SYNE3: variants seen among roughly 807,000 people sequenced by gnomAD.
The protein encoded by SYNE3 is spectrin repeat containing nuclear envelope family member 3.
Under a neutral mutation model 111.2 loss-of-function variants are expected in SYNE3, and 100 were observed. The ratio of observed to expected loss-of-function variants is 0.90; its 90% CI spans 0.77 to 1.06. SYNE3 has a LOEUF of 1.06. Ranked by LOEUF, SYNE3 falls within the 50% of genes least tolerant of loss-of-function variation. The pLI is 0.00. For synonymous variants in SYNE3, 547 were observed against 533.9 expected (o/e 1.02, Z -0.34); for missense variants, 1,160 against 1,240.3 (o/e 0.94, Z 0.97).
rs3036482 is a variant in SYNE3, at chr14:95,432,633, C to CTATTATTAT, written c.2689-525_2689-517dup. ...AAGGTTATGATCATTACTAGTTTTG[C>CTATTATTAT]TATTATTATTATTATTATTATTATT... On this transcript the variant is annotated intron_variant, in intron 16 of 17. Transcript: ENST00000682763. Among the ~76,000 whole-genome samples the CTATTATTAT allele has an allele frequency of 1.7e-3, 236 of 142,476 alleles. 3 individuals are homozygous for CTATTATTAT. Among genetic ancestry groups the CTATTATTAT allele is most frequent in the East Asian group, 2.9e-3 (14 of 4,908 alleles). 93.5% of individuals were successfully genotyped at this position (142,476 alleles called of 152,430 possible). A position where few individuals can be genotyped will look rare whatever the true frequency, so the allele number is the denominator to read the frequency against.
At chr14:95,432,468 C>T (rs915682990) in intron 16 of SYNE3, among the ~76,000 whole-genome samples, 5 of 151,982 alleles carry the variant, frequency 3.3e-5, no homozygotes, top group East Asian at 1.9e-4. Flanking sequence ...CTGAAAGGGC[C>T]CTTAAGGGCC....
intron 15 of SYNE3, 66 bp downstream of exon 15, chr14:95,436,754 C>A: frequency 6.4e-7 from 1 of 1,568,644 alleles, no homozygotes; most frequent in South Asian, 1.1e-5. Context: ...TTGAAGAACT[C>A]CCTGGTGGCA....
intron 9 of SYNE3, among the ~76,000 whole-genome samples, chr14:95,445,704 G>T (rs1274509967): frequency 6.6e-6 from 1 of 152,248 alleles, no homozygotes; most frequent in Non-Finnish European, 1.5e-5. Context: ...TGGTGGCTAG[G>T]AAACCAGTTA....
intron 1 of SYNE3, among the ~76,000 whole-genome samples, chr14:95,502,301 G>T (rs1321209433): frequency 1.4e-5 from 2 of 146,102 alleles, no homozygotes; most frequent in African/African-American, 2.6e-5. Context: ...CACTCACAGG[G>T]GCTGGGTTCC....
At chr14:95,437,490 C>T (rs1668313861) in intron 14 of SYNE3, among the ~76,000 whole-genome samples, 1 of 152,208 alleles carries the variant, frequency 6.6e-6, no homozygotes, top group Non-Finnish European at 1.5e-5. Context: ...TTCACACATA[C>T]TGTCTCCTCT....
intron 2 of SYNE3, among the ~76,000 whole-genome samples, chr14:95,473,958 C>G (rs111532110): frequency 8.8e-5 from 10 of 113,242 alleles, no homozygotes; most frequent in South Asian, 5.7e-4. Context: ...TGTGAGCTTG[C>G]GAGGTGTGAC....
At chr14:95,420,169 T>C (rs1263763412) in intron 17 of SYNE3, among the ~76,000 whole-genome samples, 1 of 150,478 alleles carries the variant, frequency 6.6e-6, no homozygotes, top group African/African-American at 2.5e-5. Context: ...CTTGGCTGCA[T>C]GTATTTCAGC....
At chr14:95,474,834 G>T (rs1454646808) in intron 2 of SYNE3, among the ~76,000 whole-genome samples, 1 of 152,222 alleles carries the variant, frequency 6.6e-6, no homozygotes, top group South Asian at 2.1e-4. Flanking sequence ...TGACTGGTTT[G>T]CTGCGGGAGA....
intron 4 of SYNE3, 136 bp downstream of exon 4, chr14:95,465,795 A>G: frequency 2.0e-6 from 2 of 980,670 alleles, no homozygotes; most frequent in Non-Finnish European, 2.9e-6. Flanking sequence ...AGGTGAGTAG[A>G]TGGATTGATA....
At chr14:95,453,496 C>T (rs759314733) in intron 6 of SYNE3, among the ~76,000 whole-genome samples, 1 of 152,248 alleles carries the variant, frequency 6.6e-6, no homozygotes. Context: ...GGCAGAAGGA[C>T]ACAGAATCTG....
chr14:95,417,571 A>G lies in SYNE3; in HGVS notation c.*255T>C, dbSNP rs926577668. The G allele has an allele frequency of 1.3e-5, 7 of 543,446 alleles. 1 individual carries two copies. The South Asian group carries it at 1.3e-4, about 10-fold the overall frequency. 33.7% of individuals were successfully genotyped at this position (543,446 alleles called of 1,614,324 possible). Reference sequence around the variant, plus strand: ...GTATATGAAATTATACATACTGAGCATTTACATACAGATCATATAAAAATT... The same window carrying G: ...GTATATGAAATTATACATACTGAGCGTTTACATACAGATCATATAAAAATT... On this transcript the variant is annotated 3_prime_UTR_variant, in exon 18 of 18. Transcript: ENST00000682763.
At chr14:95,501,571 G>A (rs376977856) in intron 1 of SYNE3, among the ~76,000 whole-genome samples, 4 of 152,306 alleles carry the variant, frequency 2.6e-5, no homozygotes, top group East Asian at 1.9e-4. Context: ...AAACAGGCCC[G>A]ATTAGGGAGC....
At chr14:95,472,904 T>C (rs1888616065) in intron 2 of SYNE3, among the ~76,000 whole-genome samples, 1 of 152,046 alleles carries the variant, frequency 6.6e-6, no homozygotes, top group Non-Finnish European at 1.5e-5. Flanking sequence ...CCCGGCTGCA[T>C]GGCTATTAAG....
intron 9 of SYNE3, 101 bp from the exon 10 acceptor site, chr14:95,444,729 G>T: frequency 7.1e-7 from 1 of 1,403,070 alleles, no homozygotes; most frequent in South Asian, 1.5e-5. Flanking sequence ...GTCTCGGCCA[G>T]CTCATGCTCA....
At chr14:95,438,481 T>C (rs1886223135) in intron 14 of SYNE3, 1 of 156,138 alleles carries the variant, frequency 6.4e-6, no homozygotes, top group African/African-American at 2.4e-5. Flanking sequence ...TACTCACGGC[T>C]GTATCCTAGC....
At position 95,415,953 on chromosome 14, in the gene SYNE3, C is replaced by G. The variant is rs1480806218; in HGVS notation, c.*1873G>C. The G allele has an allele frequency of 6.6e-6, 1 of 152,348 alleles. No individual in the cohort carries two copies. Among genetic ancestry groups the G allele is most frequent in the African/African-American group, 2.4e-5 (1 of 41,424 alleles). The allele number at this position is 152,348 out of a possible 1,614,324, so 9.4% of individuals were successfully genotyped here. ...GAGGTTGCAGTGAGCCGAGATCGCA[C>G]CACTGCACTCCAGCCTGGGCAAAAA... On this transcript the variant is annotated 3_prime_UTR_variant, in exon 18 of 18. Coordinates refer to ENST00000682763, the MANE Select transcript of SYNE3 (RefSeq NM_152592.6).
At chr14:95,419,628 C>T (rs1206339795) in intron 17 of SYNE3, among the ~76,000 whole-genome samples, 1 of 140,300 alleles carries the variant, frequency 7.1e-6, no homozygotes, top group Non-Finnish European at 1.5e-5. Flanking sequence ...TGATAGTGAC[C>T]ATGGCGATGG....
chr14:95,492,986 A>T (rs970465179), intron 1 of SYNE3, among the ~76,000 whole-genome samples: 37 of 152,110 alleles, frequency 2.4e-4, no homozygotes, highest in Admixed American at 2.3e-3. Context: ...ACCTAATCTA[A>T]TCAACCATCT....
In SYNE3 at chr14:95,475,746, G is replaced by T; in HGVS notation, c.76C>A (p.Gln26Lys). Residue 26 changes from glutamine to lysine, a missense_variant, in exon 2 of 18, where the codon CAG becomes AAG. Gln to Lys is a moderately conservative substitution (Grantham distance 53, BLOSUM62 1). Transcript: ENST00000682763. The stretch of plus-strand genomic sequence containing the variant: ...TGCGTGTTGTCATTGACCTGCAGCT[G>T]GTCCTGCACAGCCTTCATCCATGCC... ...AQAWMKAVQD[Q>K]LQVNDNTQGP... 6.2e-7 allele frequency: 1 copy of T among 1,607,772 alleles called. No individual in the cohort carries two copies. The highest frequency in any genetic ancestry group is 8.5e-7 in the Non-Finnish European group (1 of 1,177,522).
Sources: gnomAD v4.1 joint callset for allele counts (sites outside exome capture counted in the v4.1 genomes callset) on GRCh38, gnomAD v4.1.1 for gene constraint, MANE v1.5 for transcripts, NCBI Gene and HGNC (gene_info 2026-07-23, HGNC 2026-07-21) for gene names.